GSG1L: variants seen among roughly 807,000 people sequenced by gnomAD.
GSG1L encodes the protein GSG1 like.
GSG1L carries 24 observed loss-of-function variants against 42.1 expected under a neutral mutation model. The ratio of observed to expected loss-of-function variants is 0.57; its 90% CI spans 0.41 to 0.80. GSG1L has a LOEUF of 0.80. Ranked by LOEUF, GSG1L falls within the 30% of genes least tolerant of loss-of-function variation. The pLI is 0.00. For synonymous variants in GSG1L, 215 were observed against 203.5 expected (o/e 1.06, Z -0.48); for missense variants, 445 against 472.2 (o/e 0.94, Z 0.53).
At chr16:28,057,287 G>T (rs2086290327) in intron 1 of GSG1L, among the ~76,000 whole-genome samples, 1 of 152,176 alleles carries the variant, frequency 6.6e-6, no homozygotes, top group Non-Finnish European at 1.5e-5. Context: ...AGGGGGAGCT[G>T]CGGGGCAAGG....
At chr16:28,023,348 A>G (rs2085865787) in intron 1 of GSG1L, among the ~76,000 whole-genome samples, 1 of 152,148 alleles carries the variant, frequency 6.6e-6, no homozygotes, top group African/African-American at 2.4e-5. Flanking sequence ...AATATTCCAC[A>G]ATTCATTTAG....
At chr16:27,906,801 A>G (rs1208013068) in intron 2 of GSG1L, among the ~76,000 whole-genome samples, 2 of 151,840 alleles carry the variant, frequency 1.3e-5, no homozygotes. Context: ...GCCTCAGTTT[A>G]CCCGTCTGTG....
intron 1 of GSG1L, among the ~76,000 whole-genome samples, chr16:28,035,829 G>A (rs768468537): frequency 7.2e-5 from 11 of 152,136 alleles, no homozygotes; most frequent in Non-Finnish European, 1.3e-4. Context: ...AGGACAAAGC[G>A]GGGATGACAG....
In GSG1L at chr16:27,961,721, C is replaced by A. The variant is rs866375181; in HGVS notation, c.397+1435G>T. Among the ~76,000 whole-genome samples, 5 of 152,286 alleles carry A rather than the reference C, an allele frequency of 3.3e-5. No homozygotes were observed. The Middle Eastern group carries it at 0.017, about 518-fold the overall frequency. ...TCAATTTGGAAGCTGTGGCTTGAGC[C>A]GCCCAGCCAAATGTTTTGGAGATGG... On this transcript the variant is annotated intron_variant, in intron 2 of 6. Transcript: ENST00000447459.
chr16:27,823,310 T>C (rs1567471032), intron 5 of GSG1L, among the ~76,000 whole-genome samples: 1 of 152,130 alleles, frequency 6.6e-6, no homozygotes, highest in African/African-American at 2.4e-5. Flanking sequence ...CACATGACCA[T>C]GTGCACATGC....
chr16:27,791,600 C>T (rs998603501), intron 6 of GSG1L, 133 bp from the exon 7 acceptor site: 1 of 505,808 alleles, frequency 2.0e-6, no homozygotes, highest in Non-Finnish European at 3.2e-6. Context: ...TGCCTTTTGT[C>T]TACCGATCCA....
At chr16:28,058,897 CTT>C (rs899079529) in intron 1 of GSG1L, among the ~76,000 whole-genome samples, 2 of 152,170 alleles carry the variant, frequency 1.3e-5, no homozygotes, top group African/African-American at 4.8e-5. Context: ...TAGCTGGAGA[CTT>C]GACTCTGAAT....
chr16:27,845,948 G>A (rs750879829), intron 3 of GSG1L, among the ~76,000 whole-genome samples: 2 of 150,086 alleles, frequency 1.3e-5, no homozygotes, highest in African/African-American at 2.5e-5. Flanking sequence ...TGTCACCCAC[G>A]CTGGAGTGCA....
chr16:27,814,892 G>C (rs2140951522), intron 5 of GSG1L, among the ~76,000 whole-genome samples: 1 of 152,098 alleles, frequency 6.6e-6, no homozygotes, highest in African/African-American at 2.4e-5. Flanking sequence ...ATTTCCTGCA[G>C]GAAACATTAT....
At chr16:28,031,030 G>A (rs1485907364) in intron 1 of GSG1L, among the ~76,000 whole-genome samples, 1 of 143,314 alleles carries the variant, frequency 7.0e-6, no homozygotes, top group African/African-American at 2.6e-5. Context: ...GATTGGATGG[G>A]ATGGTATGGG....
rs561783955 is a variant in GSG1L at position 27,866,847 on chromosome 16, C to A, written c.550+17639G>T. Among the ~76,000 whole-genome samples the A allele has an allele frequency of 6.1e-4, 93 of 152,304 alleles. 1 individual carries two copies. In the South Asian group the frequency reaches 0.012, roughly 20 times the overall value. On this transcript the variant is annotated intron_variant, in intron 3 of 6. Coordinates refer to ENST00000447459, the MANE Select transcript of GSG1L (RefSeq NM_001109763.2). Reference sequence around the variant, plus strand: ...TCAGCCTCCCAAAGTGCTGGGATTACAAGCATGAGCCACCGAAACCGGCCC... The same window carrying A: ...TCAGCCTCCCAAAGTGCTGGGATTAAAAGCATGAGCCACCGAAACCGGCCC...
chr16:28,024,862 G>A (rs1014866350), intron 1 of GSG1L, among the ~76,000 whole-genome samples: 1 of 152,162 alleles, frequency 6.6e-6, no homozygotes, highest in African/African-American at 2.4e-5. Flanking sequence ...GGGCTGCATC[G>A]AGCCCATCCT....
At chr16:28,049,993 A>C (rs1567569920) in intron 1 of GSG1L, among the ~76,000 whole-genome samples, 1 of 152,188 alleles carries the variant, frequency 6.6e-6, no homozygotes, top group Non-Finnish European at 1.5e-5. Context: ...ACTGGAAGGA[A>C]GCTCCTTGAG....
At chr16:27,957,758 G>C (rs2085022676) in intron 2 of GSG1L, among the ~76,000 whole-genome samples, 1 of 152,174 alleles carries the variant, frequency 6.6e-6, no homozygotes, top group Non-Finnish European at 1.5e-5. Context: ...ACAAAGAAGA[G>C]GTTTATTTGG....
chr16:27,936,347 T>C (rs2084717937), intron 2 of GSG1L, among the ~76,000 whole-genome samples: 1 of 152,136 alleles, frequency 6.6e-6, no homozygotes. Flanking sequence ...GGGGGAGGAC[T>C]CCTCATGAAT....
intron 1 of GSG1L, among the ~76,000 whole-genome samples, chr16:28,043,032 T>C (rs1314224446): frequency 6.6e-6 from 1 of 152,226 alleles, no homozygotes; most frequent in Non-Finnish European, 1.5e-5. Context: ...AGAGTGTTAG[T>C]GGCACCGAGC....
In GSG1L at chr16:28,027,140, C is replaced by G. The variant is rs191988825; in HGVS notation, c.349+35936G>C. Among the ~76,000 whole-genome samples the G allele has an allele frequency of 3.9e-5, 6 of 152,244 alleles. No homozygotes were observed. In the East Asian group the frequency reaches 1.2e-3, roughly 29 times the overall value. Reference sequence around the variant, plus strand: ...TATAAACAAAGAATACCATCTATCACAGTATGTCATTTTTCACTCTCCATC... The same window carrying G: ...TATAAACAAAGAATACCATCTATCAGAGTATGTCATTTTTCACTCTCCATC... On this transcript the variant is annotated intron_variant, in intron 1 of 6. Transcript: ENST00000447459.
intron 2 of GSG1L, among the ~76,000 whole-genome samples, chr16:27,917,297 C>T (rs771509593): frequency 6.6e-6 from 1 of 151,000 alleles, no homozygotes; most frequent in Non-Finnish European, 1.5e-5. Flanking sequence ...CCTTAAAGTG[C>T]TCAAATGTAG....
chr16:28,048,580 A>G (rs182233363), intron 1 of GSG1L, among the ~76,000 whole-genome samples: 15 of 152,258 alleles, frequency 9.9e-5, no homozygotes, highest in African/African-American at 3.1e-4. Flanking sequence ...GAAATTTTTA[A>G]CGTTCTACTA....
Sources: allele counts gnomAD v4.1 joint callset (sites outside exome capture counted in the v4.1 genomes callset), GRCh38; gene constraint gnomAD v4.1.1; transcripts MANE v1.5; gene names NCBI Gene and HGNC (gene_info 2026-07-23, HGNC 2026-07-21).